The following ZDHHC20 variants were observed in gnomAD, a reference collection of about 807,000 sequenced individuals.
The protein encoded by ZDHHC20 is zDHHC palmitoyltransferase 20.
Under a neutral mutation model 57.8 loss-of-function variants are expected in ZDHHC20, and 43 were observed. The ratio of observed to expected loss-of-function variants is 0.74; its 90% CI spans 0.58 to 0.96. The LOEUF (loss-of-function observed/expected upper bound fraction) is 0.96, where lower values mean the gene tolerates loss of function less well. ZDHHC20 is among the 40% of genes least tolerant of loss of function. The pLI is 0.00. For synonymous variants in ZDHHC20, 157 were observed against 153.0 expected, an observed-to-expected ratio of 1.03 and a Z score of -0.19; for missense variants, 391 against 441.1, an observed-to-expected ratio of 0.89 and a Z score of 1.02.
chr13:21,376,618 G>C lies in ZDHHC20; in HGVS notation c.*78C>G. 1 of 1,374,980 alleles carries C rather than the reference G, an allele frequency of 7.3e-7. No individual in the cohort carries two copies. Among genetic ancestry groups the C allele is most frequent in the Non-Finnish European group, 9.8e-7 (1 of 1,023,128 alleles). 85.2% of individuals were successfully genotyped at this position (1,374,980 alleles called of 1,614,324 possible). On this transcript the variant is annotated 3_prime_UTR_variant, in exon 13 of 13. Transcript: ENST00000400590. Reference sequence around the variant, plus strand: ...TTCCACTGATCATTTTCTTGCAAATGAAAATTGAAAATACCAGTCTATAAT... The same window carrying C: ...TTCCACTGATCATTTTCTTGCAAATCAAAATTGAAAATACCAGTCTATAAT...
rs537389796 is a variant in ZDHHC20 at position 21,395,778 on chromosome 13, G to A, written c.595-3924C>T. Among the ~76,000 whole-genome samples, 8 of 152,148 alleles carry A rather than the reference G, an allele frequency of 5.3e-5. No individual in the cohort carries two copies. In the East Asian group the frequency reaches 1.5e-3, roughly 29 times the overall value. ...GCCTCCCAAAGTGCTGGGATTACAG[G>A]CATAAGCCACCGCGCCCCAACCCTA... On this transcript the variant is annotated intron_variant, in intron 7 of 12. Transcript: ENST00000400590.
intron 1 of ZDHHC20, among the ~76,000 whole-genome samples, chr13:21,442,225 T>C (rs1290188547): frequency 6.6e-6 from 1 of 152,226 alleles, no homozygotes; most frequent in Non-Finnish European, 1.5e-5. Flanking sequence ...TGTATATCTA[T>C]CATTTTTTCC....
Position 21,413,756 on chromosome 13 carries a change from G to T in ZDHHC20, c.266C>A (p.Ser89Tyr). ...TTCTTTTTCATAACGTTCCTTTTCA[G>T]AATTGGACAAGTAGAACTATAAAAG... ...SPSKEFYLSN[S>Y]EKERYEKEFS... is the part of the protein sequence containing the mutation. Residue 89 changes from serine (S) to tyrosine (Y), a missense_variant, in exon 4 of 13, where the codon TCT becomes TAT. Ser to Tyr is a moderately radical substitution (Grantham distance 144). This residue lies in a region of ZDHHC20 where 185 missense variants were observed against 188.0 expected (regional missense o/e 0.98). Coordinates refer to ENST00000400590, the MANE Select transcript of ZDHHC20 (RefSeq NM_001330059.2). The T allele has an allele frequency of 6.2e-7, 1 of 1,609,276 alleles. No individual in the cohort carries two copies.
intron 2 of ZDHHC20, among the ~76,000 whole-genome samples, chr13:21,423,695 A>T (rs1880916949): frequency 6.6e-6 from 1 of 150,432 alleles, no homozygotes; most frequent in Admixed American, 6.6e-5. Flanking sequence ...AAAAAGAAAA[A>T]ATATATATAT....
chr13:21,432,387 T>C (rs919488433), intron 1 of ZDHHC20, among the ~76,000 whole-genome samples: 1 of 151,604 alleles, frequency 6.6e-6, no homozygotes, highest in Admixed American at 6.6e-5. Context: ...TGGTGTGCAG[T>C]GGCGTGATCT....
chr13:21,432,188 C>G (rs2137960754), intron 1 of ZDHHC20, among the ~76,000 whole-genome samples: 1 of 152,114 alleles, frequency 6.6e-6, no homozygotes, highest in East Asian at 1.9e-4. Context: ...ATTTTTCAGA[C>G]AGAATCTCGC....
At chr13:21,439,788 C>T (rs1353713653) in intron 1 of ZDHHC20, among the ~76,000 whole-genome samples, 6 of 151,922 alleles carry the variant, frequency 3.9e-5, no homozygotes, top group Non-Finnish European at 8.8e-5. Flanking sequence ...TTCTAATTCC[C>T]AGGCGCGGTG....
intron 1 of ZDHHC20, among the ~76,000 whole-genome samples, chr13:21,436,709 T>G (rs765313040): frequency 6.6e-6 from 1 of 152,180 alleles, no homozygotes; most frequent in Non-Finnish European, 1.5e-5. Context: ...TCAAGCCAAT[T>G]AATAATCCTA....
At chr13:21,398,797 A>C (rs952064437) in intron 7 of ZDHHC20, among the ~76,000 whole-genome samples, 6 of 152,170 alleles carry the variant, frequency 3.9e-5, no homozygotes, top group Non-Finnish European at 5.9e-5. Flanking sequence ...CCTCATGTCT[A>C]CTGGTTCAAT....
chr13:21,378,127 C>T (rs1473697043), intron 12 of ZDHHC20, among the ~76,000 whole-genome samples: 1 of 152,082 alleles, frequency 6.6e-6, no homozygotes, highest in Non-Finnish European at 1.5e-5. Flanking sequence ...ATTGCAGCCT[C>T]GACCTCCTGG....
intron 8 of ZDHHC20, among the ~76,000 whole-genome samples, chr13:21,389,786 C>T (rs947036676): frequency 3.9e-5 from 6 of 152,116 alleles, no homozygotes; most frequent in African/African-American, 9.7e-5. Context: ...AGTGGGAAAA[C>T]GGGCCTACTA....
intron 1 of ZDHHC20, 133 bp from the exon 2 acceptor site, chr13:21,425,811 G>A (rs903069169): frequency 1.5e-5 from 9 of 588,002 alleles, no homozygotes; most frequent in Non-Finnish European, 2.1e-5. Flanking sequence ...AGACACTAAT[G>A]CAAAGTCAAA....
chr13:21,415,281 C>T (rs1222235324), intron 3 of ZDHHC20, among the ~76,000 whole-genome samples: 1 of 152,180 alleles, frequency 6.6e-6, no homozygotes, highest in Non-Finnish European at 1.5e-5. Flanking sequence ...GTACATTTTC[C>T]TCTATATTAC....
At chr13:21,457,686 C>T (rs1885038709) in intron 1 of ZDHHC20, among the ~76,000 whole-genome samples, 1 of 152,144 alleles carries the variant, frequency 6.6e-6, no homozygotes, top group Non-Finnish European at 1.5e-5. Context: ...AATTTCAAAA[C>T]TTATAAATTT....
At chr13:21,452,570 T>C (rs1361359962) in intron 1 of ZDHHC20, among the ~76,000 whole-genome samples, 1 of 152,124 alleles carries the variant, frequency 6.6e-6, no homozygotes, top group Non-Finnish European at 1.5e-5. Context: ...ATATTTTGGG[T>C]TTTTTAAACC....
intron 11 of ZDHHC20, 65 bp downstream of exon 11, chr13:21,381,369 A>T: frequency 8.3e-7 from 1 of 1,204,858 alleles, no homozygotes; most frequent in Middle Eastern, 1.9e-4. Context: ...ATTTTTCCAC[A>T]TGTATTATAT....
chr13:21,380,630 A>G (rs1428926764), intron 11 of ZDHHC20, among the ~76,000 whole-genome samples: 5 of 151,462 alleles, frequency 3.3e-5, no homozygotes, highest in Non-Finnish European at 2.9e-5. Flanking sequence ...CGTCTCTACT[A>G]TAATACAAAA....
intron 8 of ZDHHC20, 130 bp downstream of exon 8, chr13:21,391,592 C>T: frequency 1.0e-6 from 1 of 986,726 alleles, no homozygotes. Flanking sequence ...GATTATTAGG[C>T]ACGTGCCACC....
chr13:21,421,410 G>T (rs145921403), intron 2 of ZDHHC20, among the ~76,000 whole-genome samples: 3 of 152,256 alleles, frequency 2.0e-5, no homozygotes, highest in African/African-American at 7.2e-5. Context: ...GAGGAGATTT[G>T]ATTGTATTAA....
Sources: allele counts gnomAD v4.1 joint callset (sites outside exome capture counted in the v4.1 genomes callset), GRCh38; gene constraint gnomAD v4.1.1; regional missense constraint gnomAD v4.1.1; transcripts MANE v1.5; gene names NCBI Gene and HGNC (gene_info 2026-07-23, HGNC 2026-07-21).